The following TCEANC2 variants were observed in gnomAD, a reference collection of about 807,000 sequenced individuals.
The protein encoded by TCEANC2 is transcription elongation factor A N-terminal and central domain-containing protein 2.
Under a neutral mutation model 22.8 loss-of-function variants are expected in TCEANC2, and 20 were observed. The observed-to-expected ratio is 0.88, with a 90% CI of 0.62 to 1.28. TCEANC2 has a LOEUF of 1.28. Among genes scored for constraint, TCEANC2 ranks in the 50% most tolerant of loss-of-function variants. TCEANC2 has a pLI of 0.00. For synonymous variants in TCEANC2, 84 were observed against 95.5 expected (o/e 0.88, Z 0.70); for missense variants, 251 against 249.7 (o/e 1.01, Z -0.03).
At position 54,086,125 on chromosome 1, in the gene TCEANC2, T is replaced by C. The variant is rs138619795; in HGVS notation, c.245-2472T>C. 1.6e-4 allele frequency among the ~76,000 whole-genome samples: 24 copies of C among 152,288 alleles called. No individual in the cohort carries two copies. The East Asian group carries it at 4.6e-3, about 29-fold the overall frequency. On this transcript the variant is annotated intron_variant, in intron 3 of 4. Coordinates refer to ENST00000234827, the MANE Select transcript of TCEANC2 (RefSeq NM_153035.3). ...TATTCCAATCTTCTGTTATGTATTT[T>C]AGTAGGAATGTATGTTATTCTTTAT...
At chr1:54,057,919 G>A (rs2100352619) in intron 2 of TCEANC2, among the ~76,000 whole-genome samples, 1 of 152,174 alleles carries the variant, frequency 6.6e-6, no homozygotes, top group South Asian at 2.1e-4. Context: ...CTGTTTGCCT[G>A]GAATTCCCTT....
rs1658633180 is a variant in TCEANC2, at chr1:54,100,091, T to G, written c.*3618T>G. On this transcript the variant is annotated 3_prime_UTR_variant, in exon 5 of 5. Transcript: ENST00000234827. ...TTGCCTGTACTAAAAATACAAAAATTAGCCAGATCTGGTGGCAGGCACCTG... is the reference window on the plus strand; with the variant it reads ...TTGCCTGTACTAAAAATACAAAAATGAGCCAGATCTGGTGGCAGGCACCTG... The G allele has an allele frequency of 6.6e-6, 1 of 151,930 alleles. No individual in the cohort carries two copies. The highest frequency in any genetic ancestry group is 1.5e-5 in the Non-Finnish European group (1 of 68,024). 9.4% of individuals were successfully genotyped at this position (151,930 alleles called of 1,614,324 possible).
chr1:54,082,950 C>T (rs1658273923), intron 3 of TCEANC2, among the ~76,000 whole-genome samples: 3 of 152,082 alleles, frequency 2.0e-5, no homozygotes, highest in Admixed American at 2.0e-4. Context: ...TGAAGTAATA[C>T]AGTAGACCTG....
At chr1:54,089,794 C>A in intron 4 of TCEANC2, 1 of 368,982 alleles carries the variant, frequency 2.7e-6, no homozygotes, top group Non-Finnish European at 4.9e-6. Context: ...AAGTTTTGGA[C>A]CTGAAGTGAA....
chr1:54,085,829 G>A (rs1658329303), intron 3 of TCEANC2, among the ~76,000 whole-genome samples: 1 of 151,992 alleles, frequency 6.6e-6, no homozygotes, highest in African/African-American at 2.4e-5. Context: ...GAACTTTTAG[G>A]TTCAAGCCAT....
intron 3 of TCEANC2, among the ~76,000 whole-genome samples, chr1:54,070,626 A>G (rs1017475818): frequency 1.3e-5 from 2 of 152,120 alleles, no homozygotes. Flanking sequence ...CCTAAACCTG[A>G]GGTTGTATGG....
In TCEANC2 at chr1:54,088,725, G is replaced by T; in HGVS notation, c.373G>T (p.Asp125Tyr). 1.2e-6 allele frequency: 2 copies of T among 1,606,724 alleles called. No homozygotes were observed. The highest frequency in any genetic ancestry group is 2.2e-5 in the South Asian group (2 of 89,760). ...TAGACCTTCTATTGAAGTTAGAAGT[G>T]ATCCCAAAACCGAGTCGTTGAGGAA... ...SNRPSIEVRS[D>Y]PKTESLRKNA... is the part of the protein sequence containing the mutation. Residue 125 changes from aspartate (D) to tyrosine (Y), a missense_variant, in exon 4 of 5, where the codon GAT (aspartate) becomes TAT (tyrosine). Coordinates refer to ENST00000234827, the MANE Select transcript of TCEANC2 (RefSeq NM_153035.3).
In TCEANC2 at chr1:54,099,000, G is replaced by T. The variant is rs996791437; in HGVS notation, c.*2527G>T. ...AGCTGGAGATGAGGCAGGAGAGGAA[G>T]GCAAGGACCAGGATCAGGTTTGAAG... is the stretch of plus-strand genomic sequence containing the variant. On this transcript the variant is annotated 3_prime_UTR_variant, in exon 5 of 5. Coordinates refer to ENST00000234827, the MANE Select transcript of TCEANC2 (RefSeq NM_153035.3). 1 of 152,646 alleles carries T rather than the reference G, an allele frequency of 6.6e-6. No individual in the cohort carries two copies. Among genetic ancestry groups the T allele is most frequent in the African/African-American group, 2.4e-5 (1 of 41,446 alleles). 9.5% of individuals were successfully genotyped at this position (152,646 alleles called of 1,614,324 possible). A position where few individuals can be genotyped will look rare whatever the true frequency, so the allele number is the denominator to read the frequency against.
At chr1:54,075,240 A>G (rs1322805507) in intron 3 of TCEANC2, among the ~76,000 whole-genome samples, 1 of 152,238 alleles carries the variant, frequency 6.6e-6, no homozygotes, top group East Asian at 1.9e-4. Flanking sequence ...GTGTATAATA[A>G]TGATTGACGT....
Position 54,104,460 on chromosome 1 carries a change from G to A in TCEANC2, c.*7987G>A, listed in dbSNP as rs1331981070. 2.7e-6 allele frequency: 1 copy of A among 366,750 alleles called. No individual in the cohort carries two copies. The highest frequency in any genetic ancestry group is 5.5e-6 in the Non-Finnish European group (1 of 181,096). 22.7% of individuals were successfully genotyped at this position (366,750 alleles called of 1,614,324 possible). The stretch of plus-strand genomic sequence containing the variant: ...ATCATCAGGAGGAGGTACAGCTGCT[G>A]TTAAGCAATGGAGGGAAGGGAGGTA... On this transcript the variant is annotated 3_prime_UTR_variant, in exon 5 of 5. Coordinates refer to ENST00000234827, the MANE Select transcript of TCEANC2 (RefSeq NM_153035.3).
Position 54,096,826 on chromosome 1 carries a change from A to G in TCEANC2, c.*353A>G, listed in dbSNP as rs1039872050. 8 of 1,010,872 alleles carry G rather than the reference A, an allele frequency of 7.9e-6. No homozygotes were observed. Among genetic ancestry groups the G allele is most frequent in the East Asian group, 9.4e-5 (1 of 10,592 alleles). 62.6% of individuals were successfully genotyped at this position (1,010,872 alleles called of 1,614,324 possible). ...ATGTCAGTCAGATGAAGTTACTACT[A>G]TATTTCACCACCCTGCAGGTAACTG... On this transcript the variant is annotated 3_prime_UTR_variant, in exon 5 of 5. Transcript: ENST00000234827. This position sits in a 1 kb window ranked among gnomAD's most constrained non-coding sequence, Gnocchi z 4.9.
At chr1:54,077,236 T>A (rs1047633170) in intron 3 of TCEANC2, among the ~76,000 whole-genome samples, 1 of 152,218 alleles carries the variant, frequency 6.6e-6, no homozygotes, top group Non-Finnish European at 1.5e-5. Flanking sequence ...GCTCGCTCTT[T>A]CTGCTTTCAG....
chr1:54,102,982 T>C lies in TCEANC2; in HGVS notation c.*6509T>C, dbSNP rs1384311727. On this transcript the variant is annotated 3_prime_UTR_variant, in exon 5 of 5. Transcript: ENST00000234827. ...AGTGGTGAATGGCTTGGCTGGTTGGTAAGGGGTCTGAAAGGAATAAGATTG... is the reference window on the plus strand; with the variant it reads ...AGTGGTGAATGGCTTGGCTGGTTGGCAAGGGGTCTGAAAGGAATAAGATTG... 2.0e-5 allele frequency: 3 copies of C among 152,314 alleles called. No homozygotes were observed. The highest frequency in any genetic ancestry group is 7.2e-5 in the African/African-American group (3 of 41,418). The allele number at this position is 152,314 out of a possible 1,614,324, so 9.4% of individuals were successfully genotyped here.
chr1:54,096,354 C>T lies in TCEANC2; in HGVS notation c.508C>T (p.Pro170Ser), dbSNP rs747267844. The T allele has an allele frequency of 6.2e-7, 1 of 1,611,484 alleles. No individual in the cohort carries two copies. The highest frequency in any genetic ancestry group is 8.5e-7 in the Non-Finnish European group (1 of 1,177,682). The change falls in exon 5 of 5, where the codon CCG (proline) becomes TCG (serine). Residue 170 changes from proline to serine, a missense_variant. Physicochemically the swap from Pro to Ser is moderately conservative, Grantham distance 74. Transcript: ENST00000234827. This position sits in a 1 kb window ranked among gnomAD's most constrained non-coding sequence, Gnocchi z 4.9. ...TCTCTGCTCCCGCCTCATTAATGGG[C>T]CGTACCGGCGGACGGTGAGAGCCCT... ...FHLCSRLING[P>S]YRRTVRALVF...
rs78461637 is a variant in TCEANC2, at chr1:54,062,461, T to G, written c.103-6295T>G. Reference sequence around the variant, plus strand: ...AAAATTTCATATCTGAAAACTGTACTGTACTTAGTCCTTGAAGGTAGAAAT... The same window carrying G: ...AAAATTTCATATCTGAAAACTGTACGGTACTTAGTCCTTGAAGGTAGAAAT... On this transcript the variant is annotated intron_variant, in intron 2 of 4. Coordinates refer to ENST00000234827, the MANE Select transcript of TCEANC2 (RefSeq NM_153035.3). Among the ~76,000 whole-genome samples, 495 of 152,348 alleles carry G rather than the reference T, an allele frequency of 3.2e-3. 16 individuals are homozygous for G. Among genetic ancestry groups the G allele is most frequent in the Admixed American group, 0.023 (359 of 15,302 alleles).
At chr1:54,054,344 T>G in intron 1 of TCEANC2, 37 bp from the exon 2 acceptor site, 1 of 1,580,732 alleles carries the variant, frequency 6.3e-7, no homozygotes, top group Non-Finnish European at 8.6e-7. Context: ...TGGCAGTCTT[T>G]AGTGGGGTTT....
At chr1:54,081,907 C>T (rs1658253601) in intron 3 of TCEANC2, among the ~76,000 whole-genome samples, 1 of 152,180 alleles carries the variant, frequency 6.6e-6, no homozygotes. Flanking sequence ...TGTCCTTCGG[C>T]CACCTCTCAG....
At chr1:54,080,843 ACTG>A (rs1263599509) in intron 3 of TCEANC2, among the ~76,000 whole-genome samples, 1 of 152,248 alleles carries the variant, frequency 6.6e-6, no homozygotes, top group Non-Finnish European at 1.5e-5. Context: ...AGCCAGTGGC[ACTG>A]CTTACTTTAA....
In TCEANC2 at chr1:54,059,620, A is replaced by G. The variant is rs141075106; in HGVS notation, c.102+5096A>G. On this transcript the variant is annotated intron_variant, in intron 2 of 4. Transcript: ENST00000234827. ...TTAGTACTCTCAACGTTTGGTTCAA[A>G]TATCTGTGGAAGCATTTACTTTACT... Among the ~76,000 whole-genome samples the G allele has an allele frequency of 7.3e-3, 1,116 of 152,324 alleles. 11 individuals are homozygous for G. The highest frequency in any genetic ancestry group is 0.026 in the African/African-American group (1,069 of 41,560).
Sources: allele counts gnomAD v4.1 joint callset (sites outside exome capture counted in the v4.1 genomes callset), GRCh38; gene constraint gnomAD v4.1.1; non-coding constraint Gnocchi (gnomAD v3.1); transcripts MANE v1.5; gene names NCBI Gene and HGNC (gene_info 2026-07-23, HGNC 2026-07-21).